ADARB1: variants seen among roughly 807,000 people sequenced by gnomAD.
ADARB1 encodes double-stranded RNA-specific editase 1.
Under a neutral mutation model 52.4 loss-of-function variants are expected in ADARB1, and 10 were observed. The observed-to-expected ratio is 0.19, with a 90% CI of 0.12 to 0.32. The LOEUF (loss-of-function observed/expected upper bound fraction) is 0.32. Among genes scored for constraint, ADARB1 ranks in the 10% least tolerant of loss-of-function variants. The probability of loss-of-function intolerance (pLI) is 1.00; values close to 1 mark genes in which losing one functional copy is unlikely to be tolerated. For missense variants in ADARB1, 643 were observed against 922.3 expected, an observed-to-expected ratio of 0.70 and a Z score of 3.92; for synonymous variants, 349 against 371.1, an observed-to-expected ratio of 0.94 and a Z score of 0.68.
chr21:45,216,793 G>A (rs530512174), intron 9 of ADARB1, among the ~76,000 whole-genome samples: 6 of 151,936 alleles, frequency 3.9e-5, no homozygotes, highest in African/African-American at 1.4e-4. Flanking sequence ...TTATTGAGAG[G>A]CAGGATTGAA....
At chr21:45,167,704 G>A (rs1168423692) in intron 2 of ADARB1, among the ~76,000 whole-genome samples, 5 of 152,178 alleles carry the variant, frequency 3.3e-5, no homozygotes, top group South Asian at 2.1e-4. Flanking sequence ...CCGAGATAGC[G>A]CCACTGCACT....
intron 1 of ADARB1, among the ~76,000 whole-genome samples, chr21:45,091,620 G>T (rs1219373858): frequency 6.6e-6 from 1 of 152,182 alleles, no homozygotes; most frequent in African/African-American, 2.4e-5. Flanking sequence ...GCCTTGCCTG[G>T]GTGACTGTGT....
At position 45,204,480 on chromosome 21, in the gene ADARB1, C is replaced by A; in HGVS notation, c.1566-75C>A. 1 of 1,472,986 alleles carries A rather than the reference C, an allele frequency of 6.8e-7. No individual in the cohort carries two copies. The highest frequency in any genetic ancestry group is 9.3e-7 in the Non-Finnish European group (1 of 1,072,228). 91.2% of individuals were successfully genotyped at this position (1,472,986 alleles called of 1,614,324 possible). A position where few individuals can be genotyped will look rare whatever the true frequency, so the allele number is the denominator to read the frequency against. On this transcript the variant is annotated intron_variant, in intron 8 of 10. Transcript: ENST00000348831. This position sits in a 1 kb window ranked among gnomAD's most constrained non-coding sequence, Gnocchi z 4.4. ...CGGAATTGCCAGTGCATCCCTGTAA[C>A]CACGCAGGCTTGGGCTGGGCTGCGT...
At chr21:45,076,365 C>T (rs897130954) in intron 1 of ADARB1, among the ~76,000 whole-genome samples, 2 of 152,160 alleles carry the variant, frequency 1.3e-5, no homozygotes, top group Admixed American at 1.3e-4. Flanking sequence ...TATATCTTGC[C>T]TGTGGTGGAG....
chr21:45,100,131 A>C (rs939743464), intron 1 of ADARB1, among the ~76,000 whole-genome samples: 1 of 152,240 alleles, frequency 6.6e-6, no homozygotes, highest in Non-Finnish European at 1.5e-5. Context: ...GGTCACTTTT[A>C]ACTTGTAAAA....
At chr21:45,202,708 G>A (rs777060750) in intron 8 of ADARB1, among the ~76,000 whole-genome samples, 36 of 152,148 alleles carry the variant, frequency 2.4e-4, no homozygotes, top group Non-Finnish European at 4.7e-4. Context: ...CTGTACTGCT[G>A]AGCGTCTTCC....
chr21:45,196,853 T>G (rs1569153830), intron 8 of ADARB1, among the ~76,000 whole-genome samples: 2 of 152,240 alleles, frequency 1.3e-5, no homozygotes, highest in Non-Finnish European at 2.9e-5. Flanking sequence ...GAACTGGTAC[T>G]GTCATCCACT....
At chr21:45,154,297 T>C (rs559852789) in intron 2 of ADARB1, among the ~76,000 whole-genome samples, 1 of 152,376 alleles carries the variant, frequency 6.6e-6, no homozygotes, top group South Asian at 2.1e-4. Context: ...TGAGTGTTAC[T>C]AAACAGTATC....
intron 8 of ADARB1, among the ~76,000 whole-genome samples, chr21:45,194,034 A>C (rs960414805): frequency 3.3e-5 from 5 of 152,258 alleles, no homozygotes; most frequent in Non-Finnish European, 5.9e-5. Flanking sequence ...AACTTTCAAA[A>C]GGAAGAACAA....
chr21:45,164,492 A>G (rs1286834779), intron 2 of ADARB1, among the ~76,000 whole-genome samples: 1 of 128,682 alleles, frequency 7.8e-6, no homozygotes, highest in Non-Finnish European at 1.6e-5. Context: ...GGCCACAAAC[A>G]GGGAGACAAA....
At chr21:45,201,323 C>T (rs1178193502) in intron 8 of ADARB1, among the ~76,000 whole-genome samples, 7 of 152,186 alleles carry the variant, frequency 4.6e-5, no homozygotes, top group African/African-American at 1.7e-4. Flanking sequence ...CACCCAGGGC[C>T]TCTGCAGAGC....
At position 45,140,844 on chromosome 21, in the gene ADARB1, C is replaced by T. The variant is rs532765037; in HGVS notation, c.-48+12271C>T. On this transcript the variant is annotated intron_variant, in intron 2 of 10. Transcript: ENST00000348831. ...AATTTGATATAATAAATTAAGTCTG[C>T]GGAAGGGGCTGATTGTGTTATGGAA... 3.7e-4 allele frequency among the ~76,000 whole-genome samples: 57 copies of T among 152,084 alleles called. 2 individuals are homozygous for T. Among genetic ancestry groups the T allele is most frequent in the South Asian group, 1.0e-3 (5 of 4,802 alleles).
At chr21:45,158,596 G>A (rs1014664375) in intron 2 of ADARB1, among the ~76,000 whole-genome samples, 1 of 152,094 alleles carries the variant, frequency 6.6e-6, no homozygotes, top group African/African-American at 2.4e-5. Context: ...CGAGGCCACT[G>A]TGCAGCAGCC....
At chr21:45,161,462 GT>G (rs1447403116) in intron 2 of ADARB1, among the ~76,000 whole-genome samples, 1 of 152,244 alleles carries the variant, frequency 6.6e-6, no homozygotes, top group Non-Finnish European at 1.5e-5. Flanking sequence ...CTGGGTGTGT[GT>G]TTGCTCAGGG....
chr21:45,105,547 CTCAGA>C (rs1184323785), intron 1 of ADARB1, among the ~76,000 whole-genome samples: 2 of 152,214 alleles, frequency 1.3e-5, no homozygotes, highest in Non-Finnish European at 2.9e-5. Context: ...TCTGTTCCTT[CTCAGA>C]TCACAGTTAA....
At chr21:45,217,721 C>G in intron 9 of ADARB1, among the ~76,000 whole-genome samples, 1 of 152,092 alleles carries the variant, frequency 6.6e-6, no homozygotes, top group East Asian at 1.9e-4. Flanking sequence ...GGAGGACTTC[C>G]TTTTACATTC....
intron 2 of ADARB1, among the ~76,000 whole-genome samples, chr21:45,147,185 C>T (rs2090051386): frequency 6.6e-6 from 1 of 152,210 alleles, no homozygotes; most frequent in African/African-American, 2.4e-5. Flanking sequence ...GTGCACCTCA[C>T]TTGTTTGATG....
At chr21:45,098,495 A>T (rs1218589621) in intron 1 of ADARB1, among the ~76,000 whole-genome samples, 1 of 151,826 alleles carries the variant, frequency 6.6e-6, no homozygotes, top group Non-Finnish European at 1.5e-5. Context: ...TCCCGTCCTG[A>T]CCTGCCTGTT....
At chr21:45,098,052 C>G (rs540169920) in intron 1 of ADARB1, among the ~76,000 whole-genome samples, 82 of 152,334 alleles carry the variant, frequency 5.4e-4, no homozygotes, top group African/African-American at 1.9e-3. Context: ...CTCGCTTTCC[C>G]TCACCGTCAC....
Sources: allele counts gnomAD v4.1 joint callset (sites outside exome capture counted in the v4.1 genomes callset), GRCh38; gene constraint gnomAD v4.1.1; non-coding constraint Gnocchi (gnomAD v3.1); transcripts MANE v1.5; gene names NCBI Gene and HGNC (gene_info 2026-07-23, HGNC 2026-07-21).